The following ROR1 variants were observed in gnomAD, a reference collection of about 807,000 sequenced individuals.
ROR1 encodes ROR family WNT receptor 1, also known as inactive tyrosine-protein kinase transmembrane receptor ROR1.
In ROR1, 19 loss-of-function variants were observed where a neutral mutation model predicts 78.8. The observed-to-expected ratio is 0.24, with a 90% confidence interval of 0.17 to 0.35. ROR1 has a LOEUF of 0.35. Ranked by LOEUF, ROR1 falls within the 10% of genes least tolerant of loss-of-function variation. ROR1 has a pLI of 1.00. For synonymous variants in ROR1, 386 were observed against 433.6 expected, an observed-to-expected ratio of 0.89 and a Z score of 1.36; for missense variants, 917 against 1,177.8, an observed-to-expected ratio of 0.78 and a Z score of 3.24.
At chr1:64,077,545 G>T (rs772975342) in intron 4 of ROR1, among the ~76,000 whole-genome samples, 14 of 152,332 alleles carry the variant, frequency 9.2e-5, no homozygotes, top group Admixed American at 6.5e-4. Flanking sequence ...CATCAATGCC[G>T]CTTTTGTTCC....
At chr1:64,158,926 T>C (rs1300495013) in intron 7 of ROR1, 55 bp from the exon 8 acceptor site, 12 of 1,306,654 alleles carry the variant, frequency 9.2e-6, no homozygotes, top group Non-Finnish European at 1.3e-5. Flanking sequence ...AATGTAATAT[T>C]ATGCATGTTA....
At chr1:63,942,029 A>G (rs1645845275) in intron 1 of ROR1, among the ~76,000 whole-genome samples, 2 of 152,016 alleles carry the variant, frequency 1.3e-5, no homozygotes, top group Non-Finnish European at 2.9e-5. Flanking sequence ...CAGGCATTCT[A>G]CTCTCAGTTT....
intron 1 of ROR1, among the ~76,000 whole-genome samples, chr1:63,801,935 A>G (rs640407): frequency 0.31 from 47,176 of 152,024 alleles, 9,374 homozygotes; most frequent in African/African-American, 0.57. Flanking sequence ...TCTAAAGTGG[A>G]TAGAAGCTGA....
At chr1:63,902,870 C>A (rs1645496963) in intron 1 of ROR1, among the ~76,000 whole-genome samples, 1 of 152,196 alleles carries the variant, frequency 6.6e-6, no homozygotes, top group Non-Finnish European at 1.5e-5. Context: ...TTCCGCCAGT[C>A]ATCCTTAGTG....
chr1:63,873,493 C>T (rs938506542), intron 1 of ROR1, among the ~76,000 whole-genome samples: 2 of 152,134 alleles, frequency 1.3e-5, no homozygotes, highest in Non-Finnish European at 2.9e-5. Context: ...CTTATCCTGA[C>T]ATGGTAGAAT....
chr1:64,149,257 A>G (rs1649556903), intron 7 of ROR1, among the ~76,000 whole-genome samples: 1 of 152,208 alleles, frequency 6.6e-6, no homozygotes, highest in Non-Finnish European at 1.5e-5. Flanking sequence ...AAAACAGGCA[A>G]TGTTGTTTTT....
At position 63,841,254 on chromosome 1, in the gene ROR1, GAACTTGGA is replaced by G. The variant is rs1169990473; in HGVS notation, c.91+66748_91+66755del. Among the ~76,000 whole-genome samples, 21 of 152,288 alleles carry G rather than the reference GAACTTGGA, an allele frequency of 1.4e-4. No homozygotes were observed. The East Asian group carries it at 4.1e-3, about 29-fold the overall frequency. ...CAAGGTCATAAAATTGCTAAATGTG[GAACTTGGA>G]ACTAAATTCCGGTCTGGTGTATGTG... On this transcript the variant is annotated intron_variant, in intron 1 of 8. Transcript: ENST00000371079.
At chr1:64,173,250 C>T (rs1417081324) in intron 8 of ROR1, among the ~76,000 whole-genome samples, 1 of 152,110 alleles carries the variant, frequency 6.6e-6, no homozygotes, top group Non-Finnish European at 1.5e-5. Context: ...AGCAAACCCC[C>T]CAAATTTAGT....
intron 1 of ROR1, among the ~76,000 whole-genome samples, chr1:64,007,482 A>G (rs1237916139): frequency 2.6e-5 from 4 of 152,050 alleles, no homozygotes; most frequent in African/African-American, 4.8e-5. Context: ...TTTTCAAAAA[A>G]CAAGAACAAC....
At chr1:63,814,122 T>C (rs1444086583) in intron 1 of ROR1, among the ~76,000 whole-genome samples, 1 of 152,344 alleles carries the variant, frequency 6.6e-6, no homozygotes, top group East Asian at 1.9e-4. Flanking sequence ...TGGGGCCTGT[T>C]TGAGTCAGGT....
chr1:63,968,552 C>G (rs768956708), intron 1 of ROR1, among the ~76,000 whole-genome samples: 3 of 151,944 alleles, frequency 2.0e-5, no homozygotes, highest in Admixed American at 1.3e-4. Context: ...ATAGACAATC[C>G]TGGTAATAAA....
chr1:63,898,480 G>A (rs2100399336), intron 1 of ROR1, among the ~76,000 whole-genome samples: 1 of 151,178 alleles, frequency 6.6e-6, no homozygotes, highest in East Asian at 1.9e-4. Context: ...TTCCAGGATG[G>A]TAGGTGTTCA....
chr1:63,850,810 G>A (rs1645109535), intron 1 of ROR1, among the ~76,000 whole-genome samples: 1 of 152,132 alleles, frequency 6.6e-6, no homozygotes, highest in African/African-American at 2.4e-5. Flanking sequence ...AGGAATTGAA[G>A]AGACAAAGTC....
intron 1 of ROR1, among the ~76,000 whole-genome samples, chr1:63,912,771 T>C (rs781062690): frequency 1.3e-5 from 2 of 152,202 alleles, no homozygotes; most frequent in Non-Finnish European, 2.9e-5. Context: ...CTGATACTTG[T>C]GCTTCTCTTC....
chr1:64,115,463 G>A (rs1277055649), intron 4 of ROR1, among the ~76,000 whole-genome samples: 1 of 151,840 alleles, frequency 6.6e-6, no homozygotes, highest in Non-Finnish European at 1.5e-5. Flanking sequence ...TGAACTGCTG[G>A]CTTTAAGCAA....
chr1:64,050,628 A>C, intron 3 of ROR1, 58 bp from the exon 4 acceptor site: 2 of 1,468,990 alleles, frequency 1.4e-6, no homozygotes, highest in East Asian at 2.3e-5. Context: ...CTGTATCCAT[A>C]CTCACCCTCC....
At chr1:63,909,948 G>T (rs1342924475) in intron 1 of ROR1, among the ~76,000 whole-genome samples, 1 of 152,170 alleles carries the variant, frequency 6.6e-6, no homozygotes, top group East Asian at 1.9e-4. Flanking sequence ...GTGCTTCCTG[G>T]CCTGGAAGTG....
chr1:63,827,367 C>T (rs1431925740), intron 1 of ROR1, among the ~76,000 whole-genome samples: 1 of 152,078 alleles, frequency 6.6e-6, no homozygotes, highest in Non-Finnish European at 1.5e-5. Context: ...CCTACAGGTG[C>T]TGTTTATTTA....
chr1:64,144,266 T>C (rs1338898994), intron 7 of ROR1, among the ~76,000 whole-genome samples: 1 of 152,130 alleles, frequency 6.6e-6, no homozygotes, highest in East Asian at 1.9e-4. Context: ...CATGCTGAGT[T>C]TGAGATGCCT....
Sources: allele counts gnomAD v4.1 joint callset (sites outside exome capture counted in the v4.1 genomes callset), GRCh38; gene constraint gnomAD v4.1.1; transcripts MANE v1.5; gene names NCBI Gene and HGNC (gene_info 2026-07-23, HGNC 2026-07-21).